ZNF525: variants seen among roughly 807,000 people sequenced by gnomAD.
ZNF525 encodes zinc finger protein 525.
A neutral mutation model predicts 37.6 loss-of-function variants in ZNF525; 33 were observed. The observed-to-expected ratio is 0.88, with a 90% CI of 0.67 to 1.17. The LOEUF (loss-of-function observed/expected upper bound fraction) is 1.17. ZNF525 is among the 50% of genes most tolerant of loss of function. ZNF525 has a pLI of 0.00. For missense variants in ZNF525, 449 were observed against 543.1 expected, an observed-to-expected ratio of 0.83 and a Z score of 1.72; for synonymous variants, 170 against 182.3, an observed-to-expected ratio of 0.93 and a Z score of 0.54.
At chr19:53,379,951 G>C (rs2085547575) in intron 3 of ZNF525, among the ~76,000 whole-genome samples, 1 of 152,066 alleles carries the variant, frequency 6.6e-6, no homozygotes, top group African/African-American at 2.4e-5. Context: ...GCAGTGAGCT[G>C]AGATCAGGCC....
At chr19:53,377,192 A>T (rs1183815658) in intron 3 of ZNF525, among the ~76,000 whole-genome samples, 1 of 152,174 alleles carries the variant, frequency 6.6e-6, no homozygotes, top group Non-Finnish European at 1.5e-5. Context: ...TTTATTTATT[A>T]ATGAGACGAA....
rs1352617156 is a variant in ZNF525, at chr19:53,382,680, A to G, written c.*661A>G. 1.4e-6 allele frequency: 1 copy of G among 736,400 alleles called. No individual in the cohort carries two copies. The highest frequency in any genetic ancestry group is 1.7e-5 in the African/African-American group (1 of 57,994). The allele number at this position is 736,400 out of a possible 1,614,324, so 45.6% of individuals were successfully genotyped here. A position where few individuals can be genotyped will look rare whatever the true frequency, so the allele number is the denominator to read the frequency against. On this transcript the variant is annotated 3_prime_UTR_variant, in exon 4 of 4. Transcript: ENST00000474037. ...AATGATTGTCACCACGTCTTCAGTA[A>G]TGCTACAACTATTGCAAATCATTGG...
Position 53,380,710 on chromosome 19 carries a change from T to C in ZNF525, c.143-12T>C, listed in dbSNP as rs751745406. ...TGTCTTTTGTGTACCTATTAGTGTT[T>C]ATATTTTGTAGGTATCTCTTCCAAA... On this transcript the variant is annotated splice_polypyrimidine_tract_variant and intron_variant, in intron 3 of 3. Coordinates refer to ENST00000474037, the MANE Select transcript of ZNF525 (RefSeq NM_001348156.2). 9.1e-7 allele frequency: 1 copy of C among 1,101,824 alleles called. No homozygotes were observed. Among genetic ancestry groups the C allele is most frequent in the Non-Finnish European group, 1.4e-6 (1 of 736,162 alleles). 68.3% of individuals were successfully genotyped at this position (1,101,824 alleles called of 1,614,324 possible).
At chr19:53,379,133 A>G (rs768351286) in intron 3 of ZNF525, among the ~76,000 whole-genome samples, 1 of 150,512 alleles carries the variant, frequency 6.6e-6, no homozygotes, top group African/African-American at 2.4e-5. Flanking sequence ...TTTTTTTCTT[A>G]GAGACGAAGT....
chr19:53,372,318 A>C, intron 2 of ZNF525, 22 bp downstream of exon 2: 1 of 783,192 alleles, frequency 1.3e-6, no homozygotes, highest in Non-Finnish European at 2.3e-6. Context: ...TTCTCAGTGG[A>C]TTGTTCTGTC....
At chr19:53,372,652 G>T (rs2085495731) in intron 2 of ZNF525, among the ~76,000 whole-genome samples, 1 of 152,186 alleles carries the variant, frequency 6.6e-6, no homozygotes, top group Admixed American at 6.5e-5. Context: ...AGCTGCCACT[G>T]GAAGTCACGC....
intron 1 of ZNF525, among the ~76,000 whole-genome samples, chr19:53,371,091 C>T (rs907833768): frequency 6.6e-6 from 1 of 152,140 alleles, no homozygotes; most frequent in African/African-American, 2.4e-5. Context: ...GGTCTAGGCT[C>T]AGAGCTGTCT....
intron 3 of ZNF525, among the ~76,000 whole-genome samples, chr19:53,376,836 C>T (rs62115352): frequency 0.12 from 17,930 of 152,080 alleles, 1,103 homozygotes; most frequent in South Asian, 0.18. Flanking sequence ...CAGACACGGT[C>T]GTGGGTGCCT....
chr19:53,377,462 A>G (rs556168184), intron 3 of ZNF525, among the ~76,000 whole-genome samples: 17 of 150,428 alleles, frequency 1.1e-4, no homozygotes, highest in African/African-American at 4.2e-4. Flanking sequence ...AGGTTTGAAA[A>G]ACTGCGCCCG....
Position 53,374,698 on chromosome 19 carries a change from G to A in ZNF525, c.16-1072G>A, listed in dbSNP as rs149139030. 6.2e-3 allele frequency among the ~76,000 whole-genome samples: 940 copies of A among 152,108 alleles called. 10 individuals are homozygous for A. The highest frequency in any genetic ancestry group is 0.021 in the African/African-American group (884 of 41,472). ...CACACACACATATACATATACATAC[G>A]TATAGACACACACAAATGTATATAT... On this transcript the variant is annotated intron_variant, in intron 2 of 3. Transcript: ENST00000474037.
rs1395256137 is a variant in ZNF525 at position 53,381,083 on chromosome 19, C to G, written c.504C>G (p.Ile168Met). The G allele has an allele frequency of 1.3e-6, 2 of 1,487,114 alleles. No homozygotes were observed. The highest frequency in any genetic ancestry group is 1.9e-6 in the Non-Finnish European group (2 of 1,064,418). 92.1% of individuals were successfully genotyped at this position (1,487,114 alleles called of 1,614,324 possible). A position where few individuals can be genotyped will look rare whatever the true frequency, so the allele number is the denominator to read the frequency against. Residue 168 changes from isoleucine to methionine, a missense_variant, in exon 4 of 4, where the codon ATC becomes ATG. By Grantham distance (10) the Ile-to-Met change is conservative (BLOSUM62 1). Coordinates refer to ENST00000474037, the MANE Select transcript of ZNF525 (RefSeq NM_001348156.2). ...GKINNQVEKS[I>M]NDASSVSTAQ... is the part of the protein sequence containing the mutation. ...TTAATAATCAAGTGGAGAAGTCTAT[C>G]AACGATGCTTCCTCGGTTTCAACAG...
chr19:53,372,551 G>C (rs1222867341), intron 2 of ZNF525, among the ~76,000 whole-genome samples: 1 of 152,178 alleles, frequency 6.6e-6, no homozygotes, highest in African/African-American at 2.4e-5. Context: ...CGGGGTGAGG[G>C]TCCCGTGGTG....
At chr19:53,372,487 A>G (rs1426880260) in intron 2 of ZNF525, 191 bp downstream of exon 2, 1 of 758,118 alleles carries the variant, frequency 1.3e-6, no homozygotes, top group African/African-American at 1.7e-5. Flanking sequence ...ACTTGGGAAG[A>G]GGCTGCACTG....
Position 53,381,965 on chromosome 19 carries a change from T to C in ZNF525, c.1386T>C (p.Ser462=), listed in dbSNP as rs766713535. 1.8e-5 allele frequency: 19 copies of C among 1,036,082 alleles called. No individual in the cohort carries two copies. Among genetic ancestry groups the C allele is most frequent in the Non-Finnish European group, 2.4e-5 (16 of 655,446 alleles). 64.2% of individuals were successfully genotyped at this position (1,036,082 alleles called of 1,614,324 possible). ...LSLTCHCRLH[S]GEKPCKCGEC... ...TTACCTGCCATTGTAGACTTCATAG[T>C]GGAGAGAAACCTTGCAAGTGTGGAG... The change falls in exon 4 of 4, where the codon AGT becomes AGC. Residue 462 remains serine (S), a synonymous_variant. Transcript: ENST00000474037.
At chr19:53,368,040 C>T (rs1360263783) in intron 1 of ZNF525, among the ~76,000 whole-genome samples, 3 of 146,938 alleles carry the variant, frequency 2.0e-5, no homozygotes, top group African/African-American at 7.5e-5. Flanking sequence ...ATGTCTATAT[C>T]TCTTTTGTTT....
intron 3 of ZNF525, 150 bp downstream of exon 3, chr19:53,376,046 C>T (rs916024840): frequency 1.2e-5 from 19 of 1,520,990 alleles, no homozygotes; most frequent in Non-Finnish European, 1.7e-5. Context: ...TTCCTGGGCT[C>T]AAGTGATTGT....
chr19:53,370,179 G>A (rs2085477209), intron 1 of ZNF525, among the ~76,000 whole-genome samples: 1 of 150,598 alleles, frequency 6.6e-6, no homozygotes, highest in Non-Finnish European at 1.5e-5. Context: ...CTAGCACTTT[G>A]GGAGGCTGAG....
intron 3 of ZNF525, 42 bp downstream of exon 3, chr19:53,375,938 G>A (rs1206682509): frequency 1.2e-6 from 2 of 1,611,312 alleles, no homozygotes; most frequent in Non-Finnish European, 1.7e-6. Context: ...GTGTCCTTTC[G>A]TATCTTTGTA....
chr19:53,366,724 G>A (rs2085448945), intron 1 of ZNF525, among the ~76,000 whole-genome samples: 2 of 150,834 alleles, frequency 1.3e-5, no homozygotes, highest in Admixed American at 1.3e-4. Flanking sequence ...GAGTGGTGCT[G>A]GTGGCAAAGA....
Sources: allele counts gnomAD v4.1 joint callset (sites outside exome capture counted in the v4.1 genomes callset), GRCh38; gene constraint gnomAD v4.1.1; transcripts MANE v1.5; gene names NCBI Gene and HGNC (gene_info 2026-07-23, HGNC 2026-07-21).